The following NECTIN3 variants were observed in gnomAD, a reference collection of about 807,000 sequenced individuals.
The protein encoded by NECTIN3 is nectin cell adhesion molecule 3, also known as nectin-3.
Under a neutral mutation model 49.4 loss-of-function variants are expected in NECTIN3, and 8 were observed. The observed-to-expected ratio is 0.16, with a 90% CI of 0.10 to 0.29. NECTIN3 has a LOEUF of 0.29. NECTIN3 is among the 10% of genes least tolerant of loss of function. The pLI, the probability that NECTIN3 is intolerant of heterozygous loss-of-function variation, is 1.00. For synonymous variants in NECTIN3, 277 were observed against 241.1 expected (o/e 1.15, Z -1.38); for missense variants, 581 against 654.6 (o/e 0.89, Z 1.23).
At chr3:111,190,036 C>G (rs1214557638), upstream of NECTIN3, among the ~76,000 whole-genome samples, 1 of 152,196 alleles carries the variant, frequency 6.6e-6, no homozygotes, top group Non-Finnish European at 1.5e-5. Flanking sequence ...GTGAGCCTAG[C>G]CTACAAGTCC....
At position 111,135,417 on chromosome 3, in the gene NECTIN3, A is replaced by G. The variant is rs2034544311; in HGVS notation, c.*1202A>G. 1.1e-6 allele frequency: 1 copy of G among 930,846 alleles called. No individual in the cohort carries two copies. The highest frequency in any genetic ancestry group is 1.3e-6 in the Non-Finnish European group (1 of 780,512). 57.7% of individuals were successfully genotyped at this position (930,846 alleles called of 1,614,324 possible). A position where few individuals can be genotyped will look rare whatever the true frequency, so the allele number is the denominator to read the frequency against. ...TTTTTGTTTTTTTACATAATTACAT[A>G]TATTCCTTCTGAATCATTTATCTTT... On this transcript the variant is annotated 3_prime_UTR_variant, in exon 6 of 6. Transcript: ENST00000485303.
At chr3:111,184,007 C>G (rs941152691) in intron 7 of NECTIN3, among the ~76,000 whole-genome samples, 5 of 152,102 alleles carry the variant, frequency 3.3e-5, no homozygotes, top group Non-Finnish European at 7.4e-5. Flanking sequence ...TATTATCTCA[C>G]AGATTACTAA....
At chr3:111,077,275 A>G (rs1399295109) in intron 1 of NECTIN3, 1 of 408,464 alleles carries the variant, frequency 2.4e-6, no homozygotes, top group African/African-American at 2.0e-5. Context: ...GACCTGTTGC[A>G]TTGTGAGTAG....
At chr3:111,147,762 A>G (rs559464231) in intron 7 of NECTIN3, among the ~76,000 whole-genome samples, 1 of 152,360 alleles carries the variant, frequency 6.6e-6, no homozygotes, top group South Asian at 2.1e-4. Flanking sequence ...TCAACATTAT[A>G]TTAGGCTTTT....
intron 7 of NECTIN3, among the ~76,000 whole-genome samples, chr3:111,185,211 G>A (rs981264979): frequency 6.6e-6 from 1 of 152,000 alleles, no homozygotes; most frequent in Non-Finnish European, 1.5e-5. Flanking sequence ...CCTAAATGCC[G>A]AACTCTGTCT....
chr3:111,161,925 G>A (rs1312624920), intron 7 of NECTIN3, among the ~76,000 whole-genome samples: 1 of 152,122 alleles, frequency 6.6e-6, no homozygotes, highest in African/African-American at 2.4e-5. Context: ...CTTTGGGCCT[G>A]GATTTCCGTC....
chr3:111,158,686 CACAA>C (rs1325154165), intron 7 of NECTIN3, among the ~76,000 whole-genome samples: 17 of 152,102 alleles, frequency 1.1e-4, no homozygotes, highest in South Asian at 4.1e-4. Context: ...CATGTTCACA[CACAA>C]ACACACACAC....
At chr3:111,081,582 G>A (rs1220616384) in intron 1 of NECTIN3, among the ~76,000 whole-genome samples, 3 of 152,184 alleles carry the variant, frequency 2.0e-5, no homozygotes, top group Admixed American at 2.0e-4. Context: ...AAACAATACA[G>A]TGAACAAAAA....
chr3:111,175,127 A>G (rs773897217), intron 7 of NECTIN3, among the ~76,000 whole-genome samples: 1 of 151,718 alleles, frequency 6.6e-6, no homozygotes, highest in African/African-American at 2.4e-5. Flanking sequence ...AACTCCTCTC[A>G]GTGTTCAAAT....
rs2034624424 is a variant in NECTIN3, at chr3:111,137,533, T to C, written c.*3318T>C. 1.1e-5 allele frequency: 11 copies of C among 969,566 alleles called. No individual in the cohort carries two copies. Among genetic ancestry groups the C allele is most frequent in the Non-Finnish European group, 1.3e-5 (11 of 818,144 alleles). The allele number at this position is 969,566 out of a possible 1,614,324, so 60.1% of individuals were successfully genotyped here. A position where few individuals can be genotyped will look rare whatever the true frequency, so the allele number is the denominator to read the frequency against. ...AATAGCCATGCATGAAATCTTTAAA[T>C]AAAAGTTAAAAAAGTTCTTTAGAGG... On this transcript the variant is annotated 3_prime_UTR_variant, in exon 6 of 6. Transcript: ENST00000485303.
At chr3:111,074,305 T>A (rs977864371) in intron 1 of NECTIN3, 5 of 455,256 alleles carry the variant, frequency 1.1e-5, no homozygotes, top group Non-Finnish European at 2.2e-5. Context: ...GTTAATAGAG[T>A]TATAATGATG....
In NECTIN3 at chr3:111,134,125, T is replaced by G; in HGVS notation, c.1560T>G (p.Phe520Leu). ...YYEDLKMGMK[F>L]VSDEHYDENE... ...AAGATCTAAAAATGGGAATGAAGTTTGTCAGTGATGAACATTATGATGAAA... is the reference window on the plus strand; with the variant it reads ...AAGATCTAAAAATGGGAATGAAGTTGGTCAGTGATGAACATTATGATGAAA... The change falls in exon 6 of 6, where the codon TTT (phenylalanine) becomes TTG (leucine). Residue 520 changes from phenylalanine to leucine, a missense_variant. By Grantham distance (22) the Phe-to-Leu change is conservative. Around this residue, in one of 3 missense-constraint regions of NECTIN3, gnomAD observed 238 missense variants for 244.9 expected, o/e 0.97. Coordinates refer to ENST00000485303, the MANE Select transcript of NECTIN3 (RefSeq NM_015480.3). The G allele has an allele frequency of 1.2e-6, 2 of 1,613,454 alleles. No homozygotes were observed. Among genetic ancestry groups the G allele is most frequent in the Non-Finnish European group, 1.7e-6 (2 of 1,179,552 alleles).
intron 7 of NECTIN3, among the ~76,000 whole-genome samples, chr3:111,174,203 C>T (rs543082765): frequency 1.3e-5 from 2 of 152,324 alleles, no homozygotes; most frequent in East Asian, 3.9e-4. Flanking sequence ...GTTGATTGCT[C>T]TAGCCTCTGA....
intron 4 of NECTIN3, among the ~76,000 whole-genome samples, chr3:111,123,459 C>A (rs1275229029): frequency 1.3e-5 from 2 of 152,068 alleles, no homozygotes; most frequent in East Asian, 3.9e-4. Context: ...TCATTAGATT[C>A]CACTTAGAGT....
At position 111,134,258 on chromosome 3, in the gene NECTIN3, A is replaced by G. The variant is rs765322397; in HGVS notation, c.*43A>G. ...TTAACTATGTACAATGTTCATTCAC[A>G]CTAGTTGATCATTTTCAGATTGTTC... is the stretch of plus-strand genomic sequence containing the variant. On this transcript the variant is annotated 3_prime_UTR_variant, in exon 6 of 6. Coordinates refer to ENST00000485303, the MANE Select transcript of NECTIN3 (RefSeq NM_015480.3). 12 of 1,517,010 alleles carry G rather than the reference A, an allele frequency of 7.9e-6. No homozygotes were observed. The highest frequency in any genetic ancestry group is 9.7e-6 in the Non-Finnish European group (11 of 1,137,532). The allele number at this position is 1,517,010 out of a possible 1,614,324, so 94.0% of individuals were successfully genotyped here.
intron 1 of NECTIN3, among the ~76,000 whole-genome samples, chr3:111,109,514 T>G (rs1197121985): frequency 2.0e-5 from 3 of 151,196 alleles, no homozygotes; most frequent in Non-Finnish European, 4.4e-5. Flanking sequence ...CCATCTAGGG[T>G]TTTTTTTTCT....
chr3:111,141,846 A>G (rs2034754211), downstream of NECTIN3, among the ~76,000 whole-genome samples: 1 of 151,976 alleles, frequency 6.6e-6, no homozygotes, highest in Non-Finnish European at 1.5e-5. Context: ...GTAATGTTTC[A>G]TGTCATTCAC....
Position 111,118,972 on chromosome 3 carries a change from TAC to T in NECTIN3, c.799+21_799+22del. On this transcript the variant is annotated intron_variant, in intron 3 of 5. Coordinates refer to ENST00000485303, the MANE Select transcript of NECTIN3 (RefSeq NM_015480.3). ...TACAGTGTAAGTAAATGGTAACATT[TAC>T]TTTTTAAATATTTGTCAGCATGTTT... 6.5e-7 allele frequency: 1 copy of T among 1,541,986 alleles called. No individual in the cohort carries two copies. Among genetic ancestry groups the T allele is most frequent in the Non-Finnish European group, 8.8e-7 (1 of 1,137,470 alleles).
chr3:111,101,792 G>T (rs2032920353), intron 1 of NECTIN3, among the ~76,000 whole-genome samples: 1 of 152,160 alleles, frequency 6.6e-6, no homozygotes, highest in East Asian at 1.9e-4. Context: ...TAAGCAATGT[G>T]CCAGAGAATA....
Sources: allele counts gnomAD v4.1 joint callset (sites outside exome capture counted in the v4.1 genomes callset), GRCh38; gene constraint gnomAD v4.1.1; regional missense constraint gnomAD v4.1.1; transcripts MANE v1.5; gene names NCBI Gene and HGNC (gene_info 2026-07-23, HGNC 2026-07-21).